Variants in CPEB3 observed in about 807,000 individuals in gnomAD.
The protein encoded by CPEB3 is cytoplasmic polyadenylation element-binding protein 3.
In CPEB3, 20 loss-of-function variants were observed where a neutral mutation model predicts 67.2. That is an observed-to-expected ratio of 0.30 (90% CI 0.21 to 0.43). The LOEUF is 0.43. CPEB3 is among the 20% of genes least tolerant of loss of function. The pLI is 1.00. For synonymous variants in CPEB3, 376 were observed against 393.1 expected, an observed-to-expected ratio of 0.96 and a Z score of 0.51; for missense variants, 746 against 968.6, an observed-to-expected ratio of 0.77 and a Z score of 3.05.
In CPEB3 at chr10:92,143,127, CAAAG is replaced by C; in HGVS notation, c.1364-13_1364-10del. 6.2e-7 allele frequency: 1 copy of C among 1,604,034 alleles called. No individual in the cohort carries two copies. Among genetic ancestry groups the C allele is most frequent in the Non-Finnish European group, 8.5e-7 (1 of 1,173,394 alleles). ...GCTGGCAGTGATCTCATCTACAAAA[CAAAG>C]AAAGAATCTTAGCAAAAGAGAAAAA... is the stretch of plus-strand genomic sequence containing the variant. On this transcript the variant is annotated splice_polypyrimidine_tract_variant and intron_variant, in intron 5 of 9. Transcript: ENST00000265997.
intron 6 of CPEB3, chr10:92,136,937 G>T: frequency 5.7e-6 from 1 of 176,434 alleles, no homozygotes; most frequent in South Asian, 1.3e-4. Context: ...AAACTGAAAT[G>T]AGATTGTTGA....
intron 9 of CPEB3, among the ~76,000 whole-genome samples, chr10:92,078,777 T>C (rs148346813): frequency 6.5e-4 from 99 of 152,242 alleles, no homozygotes; most frequent in Middle Eastern, 6.8e-3. Flanking sequence ...TTAGTTCTAA[T>C]CTTGTGGGAA....
intron 9 of CPEB3, among the ~76,000 whole-genome samples, chr10:92,056,628 T>G (rs1356871922): frequency 6.6e-6 from 1 of 152,144 alleles, no homozygotes; most frequent in Non-Finnish European, 1.5e-5. Context: ...GCTCTGTGTC[T>G]TTAAATCAGC....
At chr10:92,277,867 G>A (rs1842061118) in intron 1 of CPEB3, among the ~76,000 whole-genome samples, 8 of 151,814 alleles carry the variant, frequency 5.3e-5, no homozygotes, top group Admixed American at 2.6e-4. Context: ...CTCCAGCCTG[G>A]GGGACAGAGC....
chr10:92,072,539 T>C (rs1842788516), intron 9 of CPEB3, among the ~76,000 whole-genome samples: 1 of 152,236 alleles, frequency 6.6e-6, no homozygotes, highest in East Asian at 1.9e-4. Context: ...GTAGTTAGGC[T>C]GGTGTTCTTA....
intron 2 of CPEB3, among the ~76,000 whole-genome samples, chr10:92,210,421 A>G (rs1296279680): frequency 1.3e-5 from 2 of 152,250 alleles, no homozygotes; most frequent in African/African-American, 2.4e-5. Flanking sequence ...GAAACTGTGA[A>G]AAAGGAAAGT....
At chr10:92,233,096 C>G (rs943528398) in intron 2 of CPEB3, among the ~76,000 whole-genome samples, 5 of 152,042 alleles carry the variant, frequency 3.3e-5, no homozygotes, top group Middle Eastern at 3.2e-3. Flanking sequence ...ATGAGTAGAC[C>G]TTAAAGTGGT....
At chr10:92,181,996 T>TG (rs1211854168) in intron 3 of CPEB3, among the ~76,000 whole-genome samples, 4 of 150,360 alleles carry the variant, frequency 2.7e-5, no homozygotes, top group Non-Finnish European at 4.4e-5. Context: ...GAGTCTTATA[T>TG]GAAAAAAAAA....
At chr10:92,151,071 T>C (rs1846945218) in intron 4 of CPEB3, among the ~76,000 whole-genome samples, 2 of 152,178 alleles carry the variant, frequency 1.3e-5, no homozygotes, top group African/African-American at 4.8e-5. Context: ...CCAAACAAGC[T>C]TGCAGGAAAA....
chr10:92,213,475 T>C (rs1850192826), intron 2 of CPEB3, among the ~76,000 whole-genome samples: 1 of 152,156 alleles, frequency 6.6e-6, no homozygotes, highest in Non-Finnish European at 1.5e-5. Flanking sequence ...AAAATTAAAA[T>C]CCATACTTGT....
intron 4 of CPEB3, among the ~76,000 whole-genome samples, chr10:92,150,995 T>C (rs1288151114): frequency 6.6e-6 from 1 of 152,222 alleles, no homozygotes; most frequent in African/African-American, 2.4e-5. Flanking sequence ...TTTCAATTAC[T>C]ATCTATAATT....
intron 4 of CPEB3, among the ~76,000 whole-genome samples, chr10:92,172,697 G>GA (rs1052095805): frequency 6.6e-6 from 1 of 152,068 alleles, no homozygotes; most frequent in African/African-American, 2.4e-5. Flanking sequence ...TTGAAAGGGG[G>GA]AAAAAAACTG....
At chr10:92,281,074 T>C (rs1357693425) in intron 1 of CPEB3, among the ~76,000 whole-genome samples, 1 of 151,830 alleles carries the variant, frequency 6.6e-6, no homozygotes, top group East Asian at 2.0e-4. Context: ...TGAGCATCTT[T>C]TCATGTGCTT....
At chr10:92,203,714 G>A (rs1320533741) in intron 2 of CPEB3, among the ~76,000 whole-genome samples, 7 of 151,814 alleles carry the variant, frequency 4.6e-5, no homozygotes, top group African/African-American at 1.5e-4. Context: ...GAGCCACCAC[G>A]TCCTCGATTT....
intron 2 of CPEB3, among the ~76,000 whole-genome samples, chr10:92,214,783 G>A (rs994786584): frequency 1.3e-5 from 2 of 151,976 alleles, no homozygotes; most frequent in Non-Finnish European, 2.9e-5. Context: ...ACTATGCCTG[G>A]CTCAAATTTA....
rs1182264301 is a variant in CPEB3 at position 92,145,073 on chromosome 10, T to A, written c.1235A>T (p.Asp412Val). 1 of 1,614,046 alleles carries A rather than the reference T, an allele frequency of 6.2e-7. No homozygotes were observed. The highest frequency in any genetic ancestry group is 1.3e-5 in the African/African-American group (1 of 75,008). The change falls in exon 5 of 10, where the codon GAT (aspartate) becomes GTT (valine). Residue 412 changes from aspartate to valine, a missense_variant. Asp to Val is a radical substitution (Grantham distance 152, BLOSUM62 -3). Around this residue, in one of 2 missense-constraint regions of CPEB3, gnomAD observed 643 missense variants for 717.5 expected, o/e 0.90. Coordinates refer to ENST00000265997, the MANE Select transcript of CPEB3 (RefSeq NM_014912.5). ...CAAGGCTTGATCACCATGGCTATCATCCAGGAAGGCATCTTCAAAGGGAAA... is the reference window on the plus strand; with the variant it reads ...CAAGGCTTGATCACCATGGCTATCAACCAGGAAGGCATCTTCAAAGGGAAA... ...NIMALNNAFL[D>V]DSHGDQALSS... is the part of the protein sequence containing the mutation.
intron 2 of CPEB3, among the ~76,000 whole-genome samples, chr10:92,214,276 G>A (rs1441477342): frequency 6.6e-6 from 1 of 152,118 alleles, no homozygotes; most frequent in African/African-American, 2.4e-5. Flanking sequence ...CCTCTGTCAT[G>A]TGAAGACTCA....
chr10:92,055,981 G>A (rs1842096015), intron 9 of CPEB3, among the ~76,000 whole-genome samples: 1 of 152,172 alleles, frequency 6.6e-6, no homozygotes, highest in Non-Finnish European at 1.5e-5. Context: ...TTGTGTCATT[G>A]TACTCCAGCC....
At chr10:92,232,603 A>G (rs1851323960) in intron 2 of CPEB3, among the ~76,000 whole-genome samples, 1 of 151,750 alleles carries the variant, frequency 6.6e-6, no homozygotes, top group Non-Finnish European at 1.5e-5. Context: ...CCAAAAATAC[A>G]AAAAATTAGC....
Sources: allele counts gnomAD v4.1 joint callset (sites outside exome capture counted in the v4.1 genomes callset), GRCh38; gene constraint gnomAD v4.1.1; regional missense constraint gnomAD v4.1.1; transcripts MANE v1.5; gene names NCBI Gene and HGNC (gene_info 2026-07-23, HGNC 2026-07-21).